IPO5: variants seen among roughly 807,000 people sequenced by gnomAD.
IPO5 encodes the protein importin 5.
Under a neutral mutation model 143.3 loss-of-function variants are expected in IPO5, and 18 were observed. The ratio of observed to expected loss-of-function variants is 0.13; its 90% CI spans 0.09 to 0.19. The LOEUF (loss-of-function observed/expected upper bound fraction) is 0.19, where lower values mean the gene tolerates loss of function less well. IPO5 is among the 10% of genes least tolerant of loss of function. The pLI is 1.00. For missense variants in IPO5, 1,013 were observed against 1,336.9 expected, an observed-to-expected ratio of 0.76 and a Z score of 3.78; for synonymous variants, 477 against 465.7, an observed-to-expected ratio of 1.02 and a Z score of -0.31.
In IPO5 at chr13:97,989,491, A is replaced by ATAAT. The variant is rs1240005131; in HGVS notation, c.467+327_467+328insTAAT. ...GATGTAGCTTTTCAAAAGCCACATT[A>ATAAT]ATAATGGTGTCTTGAAGAGGAGAAG... On this transcript the variant is annotated intron_variant, in intron 7 of 28. Coordinates refer to ENST00000651721, the MANE Select transcript of IPO5 (RefSeq NM_002271.6). Among the ~76,000 whole-genome samples the ATAAT allele has an allele frequency of 2.6e-5, 4 of 152,198 alleles. No individual in the cohort carries two copies. In the East Asian group the frequency reaches 5.8e-4, roughly 22 times the overall value.
At chr13:98,014,341 A>T in intron 22 of IPO5, 127 bp downstream of exon 22, 1 of 622,528 alleles carries the variant, frequency 1.6e-6, no homozygotes, top group Non-Finnish European at 2.7e-6. Context: ...GCAGTGGCGC[A>T]ATCGCAGCTC....
intron 9 of IPO5, 34 bp downstream of exon 9, chr13:97,990,571 A>G: frequency 8.0e-7 from 1 of 1,248,410 alleles, no homozygotes; most frequent in Non-Finnish European, 1.1e-6. Context: ...TCATAATTAT[A>G]TCTTATTTGG....
At chr13:97,992,695 T>C (rs529423196) in intron 9 of IPO5, among the ~76,000 whole-genome samples, 197 bp from the exon 10 acceptor site, 1 of 152,342 alleles carries the variant, frequency 6.6e-6, no homozygotes, top group African/African-American at 2.4e-5. Context: ...GTTTTGAATG[T>C]TTCTAGTTAA....
rs770261500 is a variant in IPO5, at chr13:97,993,263, G to A, written c.913+38G>A. 6.3e-6 allele frequency: 10 copies of A among 1,580,932 alleles called. No homozygotes were observed. The East Asian group carries it at 2.0e-4, about 32-fold the overall frequency. On this transcript the variant is annotated intron_variant, in intron 11 of 28. Coordinates refer to ENST00000651721, the MANE Select transcript of IPO5 (RefSeq NM_002271.6). ...TCTTCAGATAGTTTATGTGTATTGT[G>A]GCCAAATTTTTGGATAAATTTGCTG... is the stretch of plus-strand genomic sequence containing the variant.
At chr13:98,009,380 T>C (rs1441928417) in intron 18 of IPO5, among the ~76,000 whole-genome samples, 1 of 152,204 alleles carries the variant, frequency 6.6e-6, no homozygotes. Flanking sequence ...GTGTTTTAAA[T>C]ATACTCAGCC....
rs756083327 is a variant in IPO5, at chr13:98,018,596, A to G, written c.2728A>G (p.Met910Val). The G allele has an allele frequency of 1.2e-4, 188 of 1,614,034 alleles. No homozygotes were observed. The highest frequency in any genetic ancestry group is 4.5e-4 in the East Asian group (20 of 44,898). The change falls in exon 26 of 29, where the codon ATG becomes GTG. Residue 910 changes from methionine to valine, a missense_variant. Coordinates refer to ENST00000651721, the MANE Select transcript of IPO5 (RefSeq NM_002271.6). ...FKYAEYFLRPMLQYVCDNSPE... is the reference protein window; with the variant it reads ...FKYAEYFLRPVLQYVCDNSPE... ...ATACGCAGAATATTTCTTAAGACCA[A>G]TGCTCCAATATGTATGTGACAACAG... is the stretch of plus-strand genomic sequence containing the variant.
chr13:98,010,509 C>T (rs1330743901), intron 20 of IPO5, among the ~76,000 whole-genome samples: 1 of 152,078 alleles, frequency 6.6e-6, no homozygotes, highest in African/African-American at 2.4e-5. Context: ...TTATAAGCTA[C>T]ATGAGGGAAG....
chr13:98,021,482 T>C (rs544017815), intron 28 of IPO5: 1 of 365,422 alleles, frequency 2.7e-6, no homozygotes, highest in African/African-American at 2.1e-5. Context: ...CCTATATTCA[T>C]GTGGTATATG....
chr13:97,971,166 T>A (rs2139561241), intron 3 of IPO5, among the ~76,000 whole-genome samples: 1 of 152,278 alleles, frequency 6.6e-6, no homozygotes, highest in East Asian at 1.9e-4. Context: ...TCTGCAGATA[T>A]CCACTGAATC....
In IPO5 at chr13:98,023,451, C is replaced by T. The variant is rs1471302013; in HGVS notation, c.*1629C>T. ...ATGTACTGATGCCAATCAGCTAGAG[C>T]AATGTAGGCTTTTTTTAATTTAAAT... is the stretch of plus-strand genomic sequence containing the variant. On this transcript the variant is annotated 3_prime_UTR_variant, in exon 29 of 29. Transcript: ENST00000651721. The T allele has an allele frequency of 6.6e-6, 1 of 152,148 alleles. No homozygotes were observed. The highest frequency in any genetic ancestry group is 2.1e-4 in the South Asian group (1 of 4,832). 9.4% of individuals were successfully genotyped at this position (152,148 alleles called of 1,614,324 possible).
At chr13:98,014,237 A>G (rs761924541) in intron 22 of IPO5, 23 bp downstream of exon 22, 46 of 1,548,314 alleles carry the variant, frequency 3.0e-5, no homozygotes, top group Middle Eastern at 1.7e-4. Flanking sequence ...CTCTTAAAAA[A>G]TATGTATAAG....
At chr13:97,992,524 A>C (rs1378905006) in intron 9 of IPO5, among the ~76,000 whole-genome samples, 2 of 152,152 alleles carry the variant, frequency 1.3e-5, no homozygotes, top group Admixed American at 1.3e-4. Context: ...GTGCCACCAC[A>C]CTCCAGCCTG....
At chr13:98,013,403 A>C (rs568049060) in intron 21 of IPO5, among the ~76,000 whole-genome samples, 22 of 152,222 alleles carry the variant, frequency 1.4e-4, no homozygotes, top group African/African-American at 4.6e-4. Context: ...ATGCCTTTAC[A>C]CACGAGAGTG....
At chr13:98,002,843 C>T in intron 15 of IPO5, 21 bp from the exon 16 acceptor site, 1 of 1,604,486 alleles carries the variant, frequency 6.2e-7, no homozygotes. Flanking sequence ...ACATGTGTGC[C>T]CATTTGGTTT....
chr13:97,973,005 T>C (rs1272699368), intron 3 of IPO5, among the ~76,000 whole-genome samples: 1 of 151,692 alleles, frequency 6.6e-6, no homozygotes. Flanking sequence ...CAGGCTGTTT[T>C]TATGGAATAT....
chr13:98,009,577 T>C (rs976013509), intron 18 of IPO5, among the ~76,000 whole-genome samples: 15 of 152,162 alleles, frequency 9.9e-5, no homozygotes, highest in African/African-American at 3.6e-4. Context: ...TTAGTTTCAT[T>C]TAGATGATTC....
At chr13:98,020,246 A>C (rs1346156707) in intron 27 of IPO5, among the ~76,000 whole-genome samples, 1 of 152,140 alleles carries the variant, frequency 6.6e-6, no homozygotes, top group Admixed American at 6.5e-5. Context: ...TCTAAGTCCA[A>C]GTTCCCCCCA....
chr13:97,956,856 G>A lies in IPO5; in HGVS notation c.-113+2658G>A, dbSNP rs114783333. On this transcript the variant is annotated intron_variant, in intron 2 of 28. Transcript: ENST00000651721. ...GGATCCCTTTCTGGTGGTAGTGTCC[G>A]GGACCAAATACCAAAATTCCTATTT... Among the ~76,000 whole-genome samples the A allele has an allele frequency of 8.7e-3, 1,327 of 152,152 alleles. 22 individuals are homozygous for A. The highest frequency in any genetic ancestry group is 0.029 in the African/African-American group (1,218 of 41,486).
rs1462802861 is a variant in IPO5 at position 98,024,170 on chromosome 13, T to C, written c.*2348T>C. On this transcript the variant is annotated 3_prime_UTR_variant, in exon 29 of 29. Coordinates refer to ENST00000651721, the MANE Select transcript of IPO5 (RefSeq NM_002271.6). ...GAGTATTTTTTAAATGCTGTATCTT[T>C]AAAGAAAAGTAAAATTGTCTTAAAT... 1 of 152,208 alleles carries C rather than the reference T, an allele frequency of 6.6e-6. No homozygotes were observed. The highest frequency in any genetic ancestry group is 1.5e-5 in the Non-Finnish European group (1 of 68,036). 9.4% of individuals were successfully genotyped at this position (152,208 alleles called of 1,614,324 possible).
Sources: gnomAD v4.1 joint callset for allele counts (sites outside exome capture counted in the v4.1 genomes callset) on GRCh38, gnomAD v4.1.1 for gene constraint, MANE v1.5 for transcripts, NCBI Gene and HGNC (gene_info 2026-07-23, HGNC 2026-07-21) for gene names.